The following NTM variants were observed in gnomAD, a reference collection of about 807,000 sequenced individuals.
The protein encoded by NTM is neurotrimin.
NTM carries 13 observed loss-of-function variants against 42.1 expected under a neutral mutation model. That is an observed-to-expected ratio of 0.31 (90% confidence interval 0.20 to 0.49). NTM has a LOEUF of 0.49. NTM is among the 20% of genes least tolerant of loss of function. The probability of loss-of-function intolerance (pLI) is 0.99; values close to 1 mark genes in which losing one functional copy is unlikely to be tolerated. For synonymous variants in NTM, 187 were observed against 179.2 expected (o/e 1.04, Z -0.35); for missense variants, 373 against 452.8 (o/e 0.82, Z 1.60).
intron 2 of NTM, among the ~76,000 whole-genome samples, chr11:132,029,668 T>C (rs896174899): frequency 1.3e-5 from 2 of 152,120 alleles, no homozygotes; most frequent in African/African-American, 4.8e-5. Context: ...AATAATCATA[T>C]GGGCCTTTAG....
At chr11:132,077,007 C>A (rs1341996140) in intron 2 of NTM, among the ~76,000 whole-genome samples, 2 of 152,152 alleles carry the variant, frequency 1.3e-5, no homozygotes, top group Non-Finnish European at 2.9e-5. Flanking sequence ...AAGAGGATTT[C>A]TCTAAGTCAC....
chr11:131,832,130 C>A (rs982144803), intron 1 of NTM, among the ~76,000 whole-genome samples: 1 of 150,864 alleles, frequency 6.6e-6, no homozygotes, highest in Non-Finnish European at 1.5e-5. Flanking sequence ...CTTCAAAACA[C>A]GCCACACACA....
At chr11:131,687,861 C>T (rs1363083054) in intron 1 of NTM, among the ~76,000 whole-genome samples, 2 of 152,156 alleles carry the variant, frequency 1.3e-5, no homozygotes, top group Admixed American at 1.3e-4. Context: ...GCTCCCACCC[C>T]ACGTATCCTC....
At chr11:131,900,338 C>T (rs1161620032) in intron 1 of NTM, among the ~76,000 whole-genome samples, 1 of 152,224 alleles carries the variant, frequency 6.6e-6, no homozygotes, top group Non-Finnish European at 1.5e-5. Flanking sequence ...TACACAGATG[C>T]CACGTCCTGA....
intron 2 of NTM, among the ~76,000 whole-genome samples, chr11:132,097,290 G>T (rs942525968): frequency 6.6e-6 from 1 of 152,206 alleles, no homozygotes; most frequent in Admixed American, 6.5e-5. Context: ...ATTTGGGAGT[G>T]TGATTGACCT....
At chr11:131,882,634 G>A (rs186614035) in intron 1 of NTM, among the ~76,000 whole-genome samples, 89 of 152,216 alleles carry the variant, frequency 5.8e-4, no homozygotes, top group African/African-American at 2.0e-3. Context: ...TGAAGAGAGT[G>A]GGGTTTGGAC....
At chr11:131,481,888 C>A (rs1591794320) in intron 1 of NTM, among the ~76,000 whole-genome samples, 1 of 152,196 alleles carries the variant, frequency 6.6e-6, no homozygotes, top group South Asian at 2.1e-4. Flanking sequence ...GCCTTTGTAG[C>A]ATGTTAAGTT....
chr11:132,158,131 C>T (rs1309432468), intron 3 of NTM, among the ~76,000 whole-genome samples: 2 of 152,202 alleles, frequency 1.3e-5, no homozygotes, highest in East Asian at 3.9e-4. Context: ...AGGTCTTTAA[C>T]ATCCCTACTG....
chr11:131,705,505 A>G (rs2076506288), intron 1 of NTM, among the ~76,000 whole-genome samples: 1 of 152,176 alleles, frequency 6.6e-6, no homozygotes. Flanking sequence ...ATGAAAGGAG[A>G]CTAACAATAT....
chr11:131,974,480 A>G (rs1323781484), intron 2 of NTM, among the ~76,000 whole-genome samples: 1 of 152,238 alleles, frequency 6.6e-6, no homozygotes, highest in Non-Finnish European at 1.5e-5. Flanking sequence ...ATGTGAACTT[A>G]TACCTCTTTG....
At chr11:132,275,771 A>G (rs538261061) in intron 4 of NTM, among the ~76,000 whole-genome samples, 2 of 94,236 alleles carry the variant, frequency 2.1e-5, no homozygotes, top group East Asian at 4.3e-4. Flanking sequence ...TATATGTTAT[A>G]TAATGATCCC....
intron 3 of NTM, among the ~76,000 whole-genome samples, chr11:132,147,214 T>TGTGAGA (rs1337361068): frequency 1.5e-4 from 19 of 122,894 alleles, no homozygotes; most frequent in African/African-American, 5.6e-4. Context: ...TGTGTGTGTG[T>TGTGAGA]GAGAGAGAGA....
chr11:131,574,159 G>T (rs2137115120), intron 1 of NTM, among the ~76,000 whole-genome samples: 1 of 152,250 alleles, frequency 6.6e-6, no homozygotes, highest in South Asian at 2.1e-4. Context: ...GTCAAGGCTG[G>T]CTCGGCCTTT....
chr11:131,795,070 G>A, intron 1 of NTM: 1 of 719,580 alleles, frequency 1.4e-6, no homozygotes, highest in South Asian at 6.3e-5. Context: ...TAGTGATGTG[G>A]TCTTTATTTA....
rs538256295 is a variant in NTM, at chr11:131,480,964, A to T, written c.82+110076A>T. 3.3e-5 allele frequency among the ~76,000 whole-genome samples: 5 copies of T among 152,294 alleles called. No individual in the cohort carries two copies. In the South Asian group the frequency reaches 1.0e-3, roughly 32 times the overall value. ...GGTGGGGGTTTTCCAAATTAATGGC[A>T]ATGTGCAGATGAATCCACTGGGCAC... On this transcript the variant is annotated intron_variant, in intron 1 of 8. Coordinates refer to ENST00000683400, the MANE Select transcript of NTM (RefSeq NM_001352005.2).
At chr11:132,138,957 T>A (rs1721914324) in intron 2 of NTM, among the ~76,000 whole-genome samples, 1 of 152,172 alleles carries the variant, frequency 6.6e-6, no homozygotes, top group Non-Finnish European at 1.5e-5. Flanking sequence ...AGAGAATTAA[T>A]CATCACCGAA....
intron 1 of NTM, among the ~76,000 whole-genome samples, chr11:131,696,267 C>A (rs1244098977): frequency 1.3e-5 from 2 of 152,086 alleles, no homozygotes; most frequent in Admixed American, 6.5e-5. Flanking sequence ...CCCGGGGAGG[C>A]CAGCAGGAAG....
At chr11:131,401,987 G>A (rs1013231093) in intron 1 of NTM, among the ~76,000 whole-genome samples, 2 of 150,508 alleles carry the variant, frequency 1.3e-5, no homozygotes, top group Non-Finnish European at 3.0e-5. Flanking sequence ...TCAAAGTCTT[G>A]GCAGAAGACA....
intron 1 of NTM, among the ~76,000 whole-genome samples, chr11:131,820,602 C>T (rs559527856): frequency 6.6e-6 from 1 of 152,158 alleles, no homozygotes; most frequent in Admixed American, 6.5e-5. Context: ...CTCCCTCTCT[C>T]CCACAGAGTT....
Sources: allele counts gnomAD v4.1 joint callset (sites outside exome capture counted in the v4.1 genomes callset), GRCh38; gene constraint gnomAD v4.1.1; transcripts MANE v1.5; gene names NCBI Gene and HGNC (gene_info 2026-07-23, HGNC 2026-07-21).